Variants in LPIN1 observed in about 807,000 individuals in gnomAD.
LPIN1 encodes the protein lipin 1.
A neutral mutation model predicts 107.5 loss-of-function variants in LPIN1; 71 were observed. That is an observed-to-expected ratio of 0.66 (90% CI 0.55 to 0.80). LPIN1 has a LOEUF of 0.80. Ranked by LOEUF, LPIN1 falls within the 30% of genes least tolerant of loss-of-function variation. The pLI, the probability that LPIN1 is intolerant of heterozygous loss-of-function variation, is 0.00. For missense variants in LPIN1, 1,043 were observed against 1,160.6 expected, an observed-to-expected ratio of 0.90 and a Z score of 1.47; for synonymous variants, 445 against 452.6, an observed-to-expected ratio of 0.98 and a Z score of 0.21.
chr2:11,689,366 A>G (rs1182177652), intron 1 of LPIN1, among the ~76,000 whole-genome samples: 1 of 152,074 alleles, frequency 6.6e-6, no homozygotes, highest in Non-Finnish European at 1.5e-5. Context: ...GGCTTAGTAT[A>G]TTTGTCTTCA....
At chr2:11,800,702 G>A (rs971370749) in intron 14 of LPIN1, among the ~76,000 whole-genome samples, 2 of 152,202 alleles carry the variant, frequency 1.3e-5, no homozygotes, top group Non-Finnish European at 2.9e-5. Flanking sequence ...AGGGGCGGGG[G>A]AAACAGGAGG....
In LPIN1 at chr2:11,765,464, T is replaced by G; in HGVS notation, c.-9-69T>G. ...TCCACGTTTTTGAAATGGTGAGGAG[T>G]TCATTTTGATTGGCTCTTCCTTGGA... On this transcript the variant is annotated intron_variant, in intron 1 of 20. Coordinates refer to ENST00000674199, the MANE Select transcript of LPIN1 (RefSeq NM_001349206.2). The surrounding 1 kb of genome is among the most constrained non-coding windows in gnomAD (Gnocchi z 4.4). The G allele has an allele frequency of 7.0e-7, 1 of 1,436,392 alleles. No individual in the cohort carries two copies. The highest frequency in any genetic ancestry group is 1.3e-5 in the South Asian group (1 of 78,658). 89.0% of individuals were successfully genotyped at this position (1,436,392 alleles called of 1,614,324 possible). A position where few individuals can be genotyped will look rare whatever the true frequency, so the allele number is the denominator to read the frequency against.
chr2:11,753,907 T>G (rs1668260822), intron 1 of LPIN1, among the ~76,000 whole-genome samples: 1 of 152,210 alleles, frequency 6.6e-6, no homozygotes, highest in Non-Finnish European at 1.5e-5. Flanking sequence ...CCAAGGTGGA[T>G]GTGATCTCGG....
chr2:11,729,991 ATTAT>A (rs917713312), intron 1 of LPIN1, among the ~76,000 whole-genome samples: 8 of 151,926 alleles, frequency 5.3e-5, no homozygotes, highest in African/African-American at 1.9e-4. Context: ...ATTCTAGTCT[ATTAT>A]TTATTTTTAA....
At chr2:11,699,420 G>A (rs1279577525) in intron 1 of LPIN1, among the ~76,000 whole-genome samples, 1 of 152,194 alleles carries the variant, frequency 6.6e-6, no homozygotes, top group African/African-American at 2.4e-5. Flanking sequence ...ATGTCAGCGG[G>A]TATGGGTATG....
chr2:11,721,172 C>T (rs1664106658), upstream of LPIN1, among the ~76,000 whole-genome samples: 1 of 151,758 alleles, frequency 6.6e-6, no homozygotes, highest in African/African-American at 2.4e-5. Flanking sequence ...GCATTAATTC[C>T]TTCTTATGAA....
Position 11,790,148 on chromosome 2 carries a change from A to C in LPIN1, c.1713+1692A>C, listed in dbSNP as rs184157343. Among the ~76,000 whole-genome samples, 39 of 152,328 alleles carry C rather than the reference A, an allele frequency of 2.6e-4. No individual in the cohort carries two copies. The East Asian group carries it at 7.3e-3, about 29-fold the overall frequency. On this transcript the variant is annotated intron_variant, in intron 12 of 20. Transcript: ENST00000674199. Reference sequence around the variant, plus strand: ...TTTCATCCATCTAGATTTTGTTTCAAGTGTAATGAGAGGTATTAGGAAGCA... The same window carrying C: ...TTTCATCCATCTAGATTTTGTTTCACGTGTAATGAGAGGTATTAGGAAGCA...
chr2:11,738,543 A>G (rs1311568334), intron 1 of LPIN1, among the ~76,000 whole-genome samples: 2 of 152,020 alleles, frequency 1.3e-5, no homozygotes, highest in Non-Finnish European at 2.9e-5. Context: ...TGTCTTAAAA[A>G]CAGCCGGAAA....
At position 11,776,149 on chromosome 2, in the gene LPIN1, T is replaced by A; in HGVS notation, c.786T>A (p.Ser262=). The change falls in exon 6 of 21, where the codon TCT becomes TCA. Residue 262 remains serine, a synonymous_variant. Transcript: ENST00000674199. ...CAGTTGCGGCCGAGGGAGGTCTGTC[T>A]AGTTCTTGCCCTCCACAGTCTTCCC... ...HLAVAAEGGL[S]SSCPPQSSLF... 1 of 1,547,700 alleles carries A rather than the reference T, an allele frequency of 6.5e-7. No homozygotes were observed. Among genetic ancestry groups the A allele is most frequent in the Non-Finnish European group, 8.7e-7 (1 of 1,144,946 alleles).
At chr2:11,759,016 C>G (rs1309044657) in intron 1 of LPIN1, among the ~76,000 whole-genome samples, 1 of 152,182 alleles carries the variant, frequency 6.6e-6, no homozygotes, top group Non-Finnish European at 1.5e-5. Context: ...ACGGATAGAG[C>G]TGGAATTAGA....
At chr2:11,736,662 T>C (rs918275629) in intron 1 of LPIN1, among the ~76,000 whole-genome samples, 21 of 152,266 alleles carry the variant, frequency 1.4e-4, no homozygotes, top group African/African-American at 4.3e-4. Flanking sequence ...ATTCATCCGG[T>C]ATACACTGCT....
intron 14 of LPIN1, among the ~76,000 whole-genome samples, chr2:11,798,665 G>T (rs1677147640): frequency 1.3e-5 from 2 of 151,874 alleles, no homozygotes; most frequent in Non-Finnish European, 2.9e-5. Flanking sequence ...TGACTCTTGT[G>T]AAAACTCAGA....
At chr2:11,766,464 A>G (rs1243167611) in intron 2 of LPIN1, among the ~76,000 whole-genome samples, 1 of 152,214 alleles carries the variant, frequency 6.6e-6, no homozygotes, top group Admixed American at 6.5e-5. Flanking sequence ...AGAAACAGAC[A>G]CTTTGAGGAA....
Position 11,787,141 on chromosome 2 carries a change from C to T in LPIN1, c.1617C>T (p.Pro539=). Residue 539 remains proline (P), a synonymous_variant, in exon 11 of 21, where the codon CCC becomes CCT. Coordinates refer to ENST00000674199, the MANE Select transcript of LPIN1 (RefSeq NM_001349206.2). ...FVDNPAIIDD[P]NLVVKIGSKY... ...ACAACCCCGCTATTATCGATGACCC[C>T]AATCTCGTGGTAAAGATTGGGAGTA... is the stretch of plus-strand genomic sequence containing the variant. 2 of 1,613,958 alleles carry T rather than the reference C, an allele frequency of 1.2e-6. No individual in the cohort carries two copies. The highest frequency in any genetic ancestry group is 1.7e-6 in the Non-Finnish European group (2 of 1,179,842).
intron 1 of LPIN1, among the ~76,000 whole-genome samples, chr2:11,699,378 C>T (rs1361698370): frequency 3.9e-5 from 6 of 152,104 alleles, no homozygotes; most frequent in African/African-American, 9.7e-5. Context: ...ATGTCAGGGT[C>T]GACCCACAGC....
At chr2:11,720,620 G>C (rs182972055), upstream of LPIN1, among the ~76,000 whole-genome samples, 80 of 152,190 alleles carry the variant, frequency 5.3e-4, 1 homozygote, top group East Asian at 0.013. Flanking sequence ...CAAAGCCCCT[G>C]TGGTAGAAGG....
chr2:11,684,085 G>C (rs1386347399), intron 1 of LPIN1, among the ~76,000 whole-genome samples: 2 of 152,252 alleles, frequency 1.3e-5, no homozygotes, highest in Non-Finnish European at 2.9e-5. Context: ...GAACTGTACA[G>C]TCTGTGAACC....
chr2:11,730,735 G>A lies in LPIN1; in HGVS notation c.-72+6196G>A, dbSNP rs560786859. ...TGGGCTAGGTTTGAAGTTCATTGTT[G>A]CTATTGCTGCCCTCCATGCAGCACA... On this transcript the variant is annotated intron_variant, in intron 1 of 21. Coordinates refer to the LPIN1 transcript ENST00000396097. 2.0e-5 allele frequency among the ~76,000 whole-genome samples: 3 copies of A among 152,256 alleles called. No individual in the cohort carries two copies. In the East Asian group the frequency reaches 5.8e-4, roughly 29 times the overall value.
chr2:11,766,422 C>T (rs901967745), intron 2 of LPIN1, among the ~76,000 whole-genome samples: 2 of 152,156 alleles, frequency 1.3e-5, no homozygotes, highest in Admixed American at 6.5e-5. Flanking sequence ...CCAATTCTGA[C>T]AGGCTGGGAA....
Sources: allele counts gnomAD v4.1 joint callset (sites outside exome capture counted in the v4.1 genomes callset), GRCh38; gene constraint gnomAD v4.1.1; non-coding constraint Gnocchi (gnomAD v3.1); transcripts MANE v1.5; gene names NCBI Gene and HGNC (gene_info 2026-07-23, HGNC 2026-07-21).